The following PTPRD variants were observed in gnomAD, a reference collection of about 807,000 sequenced individuals.
The protein encoded by PTPRD is receptor-type tyrosine-protein phosphatase delta.
Under a neutral mutation model 214.5 loss-of-function variants are expected in PTPRD, and 34 were observed. The ratio of observed to expected loss-of-function variants is 0.16; its 90% CI spans 0.12 to 0.21. The LOEUF is 0.21. PTPRD is among the 10% of genes least tolerant of loss of function. The pLI, the probability that PTPRD is intolerant of heterozygous loss-of-function variation, is 1.00. For missense variants in PTPRD, 2,545 were observed against 2,398.7 expected, an observed-to-expected ratio of 1.06 and a Z score of -1.27; for synonymous variants, 1,128 against 845.7, an observed-to-expected ratio of 1.33 and a Z score of -5.79.
At chr9:8,634,511 T>C (rs968886363) in intron 13 of PTPRD, among the ~76,000 whole-genome samples, 4 of 152,118 alleles carry the variant, frequency 2.6e-5, no homozygotes, top group Admixed American at 2.6e-4. Context: ...TTTCAAAATA[T>C]GTCCACTTCA....
intron 9 of PTPRD, among the ~76,000 whole-genome samples, chr9:9,369,222 C>T (rs968513681): frequency 6.6e-5 from 10 of 152,092 alleles, no homozygotes; most frequent in Non-Finnish European, 1.0e-4. Flanking sequence ...TACAGTCCCA[C>T]CAACAGTGTA....
intron 2 of PTPRD, among the ~76,000 whole-genome samples, chr9:10,363,917 T>G (rs1015705135): frequency 6.6e-6 from 1 of 151,790 alleles, no homozygotes; most frequent in Non-Finnish European, 1.5e-5. Flanking sequence ...CTAAGTATTA[T>G]AGGAATTTTT....
At chr9:10,029,829 A>T (rs920906591) in intron 4 of PTPRD, among the ~76,000 whole-genome samples, 1 of 152,042 alleles carries the variant, frequency 6.6e-6, no homozygotes, top group Non-Finnish European at 1.5e-5. Flanking sequence ...GAAATATGAG[A>T]ACATAAGATT....
chr9:9,022,994 T>C (rs2099574971), intron 10 of PTPRD, among the ~76,000 whole-genome samples: 1 of 152,148 alleles, frequency 6.6e-6, no homozygotes, highest in Non-Finnish European at 1.5e-5. Flanking sequence ...GTAGATTTGG[T>C]TTTGTTGGTT....
chr9:8,775,879 G>T (rs1206692957), intron 11 of PTPRD, among the ~76,000 whole-genome samples: 1 of 151,320 alleles, frequency 6.6e-6, no homozygotes, highest in African/African-American at 2.4e-5. Context: ...CAGGAATGAA[G>T]AATAGTAACA....
intron 2 of PTPRD, among the ~76,000 whole-genome samples, chr9:10,362,509 CT>C (rs1169216898): frequency 6.6e-6 from 1 of 152,046 alleles, no homozygotes; most frequent in African/African-American, 2.4e-5. Context: ...GAGAAGTCTA[CT>C]TCTTGAAATT....
At chr9:9,000,745 G>A (rs567167379) in intron 11 of PTPRD, among the ~76,000 whole-genome samples, 9 of 151,920 alleles carry the variant, frequency 5.9e-5, no homozygotes, top group East Asian at 1.9e-4. Context: ...ATTAAACCTC[G>A]CCAAGCAGAA....
chr9:8,659,214 G>C (rs962856061), intron 12 of PTPRD, among the ~76,000 whole-genome samples: 1 of 152,152 alleles, frequency 6.6e-6, no homozygotes, highest in Admixed American at 6.5e-5. Flanking sequence ...TGAGGATTTG[G>C]AGACATTTTT....
intron 8 of PTPRD, among the ~76,000 whole-genome samples, chr9:9,473,468 C>G (rs1227876829): frequency 6.6e-6 from 1 of 152,046 alleles, no homozygotes; most frequent in African/African-American, 2.4e-5. Flanking sequence ...TATTGATTTT[C>G]TTTCTTTGGA....
At chr9:8,594,403 G>A (rs2154267795) in intron 14 of PTPRD, among the ~76,000 whole-genome samples, 1 of 152,266 alleles carries the variant, frequency 6.6e-6, no homozygotes, top group East Asian at 1.9e-4. Flanking sequence ...ATATTAAAAT[G>A]TTTGGCACAA....
intron 4 of PTPRD, among the ~76,000 whole-genome samples, chr9:9,985,737 A>C (rs1355730487): frequency 6.6e-6 from 1 of 151,948 alleles, no homozygotes; most frequent in Non-Finnish European, 1.5e-5. Flanking sequence ...AAAATTGATA[A>C]GATATTATCA....
At chr9:10,432,827 C>G (rs1052835856) in intron 2 of PTPRD, among the ~76,000 whole-genome samples, 3 of 151,984 alleles carry the variant, frequency 2.0e-5, no homozygotes, top group African/African-American at 7.2e-5. Flanking sequence ...ACCAAACAAA[C>G]TACTCCTATT....
intron 4 of PTPRD, among the ~76,000 whole-genome samples, chr9:10,022,135 A>C (rs1313306917): frequency 3.0e-4 from 1 of 3,284 alleles, no homozygotes; most frequent in African/African-American, 1.3e-3. Flanking sequence ...CCTTTGAAGC[A>C]GTCATCTTGC....
At chr9:8,492,778 A>C in intron 27 of PTPRD, 84 bp downstream of exon 27, 1 of 931,760 alleles carries the variant, frequency 1.1e-6, no homozygotes, top group Admixed American at 2.3e-5. Flanking sequence ...ATTTTACTAT[A>C]ATAAAAGCCT....
chr9:8,661,326 G>C (rs2097046869), intron 12 of PTPRD, among the ~76,000 whole-genome samples: 1 of 151,924 alleles, frequency 6.6e-6, no homozygotes. Context: ...AAATTGCATT[G>C]TCAAGTATTC....
intron 10 of PTPRD, among the ~76,000 whole-genome samples, chr9:9,057,307 A>C (rs2099698117): frequency 6.6e-6 from 1 of 152,066 alleles, no homozygotes; most frequent in Non-Finnish European, 1.5e-5. Flanking sequence ...TTTTTTTTCT[A>C]AGAATCGAAG....
chr9:8,708,779 G>C (rs1001140937), intron 12 of PTPRD, among the ~76,000 whole-genome samples: 1 of 149,408 alleles, frequency 6.7e-6, no homozygotes, highest in Admixed American at 6.7e-5. Context: ...GTATGTCAAA[G>C]AGATGTGTAC....
intron 2 of PTPRD, among the ~76,000 whole-genome samples, chr9:10,425,232 T>G (rs1374539130): frequency 1.3e-5 from 2 of 151,902 alleles, no homozygotes; most frequent in Non-Finnish European, 2.9e-5. Flanking sequence ...GTTATTCAAA[T>G]GTTTGCTTCA....
In PTPRD at chr9:8,439,097, T is replaced by C. The variant is rs969436070; in HGVS notation, c.3989-2408A>G. On this transcript the variant is annotated intron_variant, in intron 34 of 45. Transcript: ENST00000381196. ...ACATAAAACTTATCATTGGATACCATATTGCACTCCATTTCTAAGACAAGT... is the reference window on the plus strand; with the variant it reads ...ACATAAAACTTATCATTGGATACCACATTGCACTCCATTTCTAAGACAAGT... Among the ~76,000 whole-genome samples the C allele has an allele frequency of 7.9e-5, 12 of 152,322 alleles. No individual in the cohort carries two copies. The East Asian group carries it at 1.9e-3, about 24-fold the overall frequency.
Sources: allele counts gnomAD v4.1 joint callset (sites outside exome capture counted in the v4.1 genomes callset), GRCh38; gene constraint gnomAD v4.1.1; transcripts MANE v1.5; gene names NCBI Gene and HGNC (gene_info 2026-07-23, HGNC 2026-07-21).